Variants in GPC6 observed in about 807,000 individuals in gnomAD.
GPC6 encodes the protein glypican 6.
In GPC6, 14 loss-of-function variants were observed where a neutral mutation model predicts 55.2. That is an observed-to-expected ratio of 0.25 (90% CI 0.17 to 0.40). The LOEUF is 0.40. Among genes scored for constraint, GPC6 ranks in the 10% least tolerant of loss-of-function variants. GPC6 has a pLI of 1.00. For synonymous variants in GPC6, 278 were observed against 259.6 expected (o/e 1.07, Z -0.68); for missense variants, 641 against 708.5 (o/e 0.90, Z 1.08).
chr13:93,236,075 C>A (rs1876223720), intron 1 of GPC6, among the ~76,000 whole-genome samples: 1 of 152,160 alleles, frequency 6.6e-6, no homozygotes, highest in Non-Finnish European at 1.5e-5. Flanking sequence ...TCTCAACAGT[C>A]CCCCAGCAGA....
chr13:94,016,130 A>G (rs2138705486), intron 3 of GPC6, among the ~76,000 whole-genome samples: 1 of 152,318 alleles, frequency 6.6e-6, no homozygotes, highest in African/African-American at 2.4e-5. Flanking sequence ...AAGTAGAATC[A>G]TGCGGTATCT....
intron 1 of GPC6, among the ~76,000 whole-genome samples, chr13:93,523,711 A>T (rs1254116628): frequency 6.6e-6 from 1 of 151,970 alleles, no homozygotes; most frequent in Non-Finnish European, 1.5e-5. Context: ...AAAAGTCTTG[A>T]TGTTGCTTTG....
At chr13:94,096,266 A>T (rs1382314554) in intron 4 of GPC6, among the ~76,000 whole-genome samples, 1 of 151,804 alleles carries the variant, frequency 6.6e-6, no homozygotes, top group Non-Finnish European at 1.5e-5. Flanking sequence ...CAGAGAAGGG[A>T]CTACATTACT....
chr13:93,624,832 A>C (rs907173507), intron 2 of GPC6, among the ~76,000 whole-genome samples: 1 of 152,260 alleles, frequency 6.6e-6, no homozygotes, highest in South Asian at 2.1e-4. Context: ...ATAAGAGAAG[A>C]TAAACCTATT....
intron 1 of GPC6, among the ~76,000 whole-genome samples, chr13:93,296,189 G>A (rs1436846432): frequency 3.3e-5 from 5 of 152,166 alleles, no homozygotes; most frequent in African/African-American, 1.2e-4. Context: ...CAAATTAGGA[G>A]CCTGAGAGTC....
rs1881320206 is a variant in GPC6 at position 94,405,186 on chromosome 13, T to C, written c.*1969T>C. The C allele has an allele frequency of 6.6e-6, 1 of 152,246 alleles. No individual in the cohort carries two copies. The highest frequency in any genetic ancestry group is 1.9e-4 in the East Asian group (1 of 5,198). The allele number at this position is 152,246 out of a possible 1,614,324, so 9.4% of individuals were successfully genotyped here. The stretch of plus-strand genomic sequence containing the variant: ...GCATCTATTGCTACTTTATGCCTAA[T>C]GAAATATAAAATGTAGGATGATGAG... On this transcript the variant is annotated 3_prime_UTR_variant, in exon 9 of 9. Coordinates refer to ENST00000377047, the MANE Select transcript of GPC6 (RefSeq NM_005708.5).
chr13:93,698,510 T>A (rs980198985), intron 2 of GPC6, among the ~76,000 whole-genome samples: 1 of 127,410 alleles, frequency 7.8e-6, no homozygotes, highest in African/African-American at 2.8e-5. Flanking sequence ...TTTTTTTTTT[T>A]ACTGTCAGGT....
At chr13:93,815,540 T>A (rs1886820671) in intron 2 of GPC6, among the ~76,000 whole-genome samples, 2 of 152,148 alleles carry the variant, frequency 1.3e-5, no homozygotes, top group Non-Finnish European at 1.5e-5. Context: ...AAGATGATTG[T>A]TTTTTGTTTC....
chr13:93,350,716 T>C (rs1175115585), intron 1 of GPC6, among the ~76,000 whole-genome samples: 1 of 152,172 alleles, frequency 6.6e-6, no homozygotes, highest in Admixed American at 6.5e-5. Flanking sequence ...CCAGAGAATC[T>C]TAAGTAGATC....
chr13:94,367,513 A>G (rs1879336035), intron 6 of GPC6, among the ~76,000 whole-genome samples: 1 of 152,258 alleles, frequency 6.6e-6, no homozygotes, highest in Admixed American at 6.5e-5. Flanking sequence ...ATCTGCTGCA[A>G]AAATCTAACC....
At chr13:93,565,939 A>G (rs1019036378) in intron 2 of GPC6, among the ~76,000 whole-genome samples, 1 of 143,578 alleles carries the variant, frequency 7.0e-6, no homozygotes, top group African/African-American at 2.4e-5. Flanking sequence ...ACAAACAAAA[A>G]AAAAAAAGAA....
chr13:94,136,720 AAAG>A (rs1053013746), intron 4 of GPC6, among the ~76,000 whole-genome samples: 13 of 152,308 alleles, frequency 8.5e-5, no homozygotes, highest in Non-Finnish European at 1.5e-4. Flanking sequence ...AAAAAAAGAA[AAAG>A]AAGAAGTTTG....
intron 2 of GPC6, among the ~76,000 whole-genome samples, chr13:93,718,960 T>C (rs1594398187): frequency 6.6e-6 from 1 of 151,780 alleles, no homozygotes. Context: ...TTTGGTACCA[T>C]TACCAAGCTG....
At chr13:93,460,734 G>A (rs1251445061) in intron 1 of GPC6, among the ~76,000 whole-genome samples, 2 of 152,064 alleles carry the variant, frequency 1.3e-5, no homozygotes, top group Non-Finnish European at 2.9e-5. Context: ...TATTGCATTA[G>A]TGGTTTTCTA....
intron 2 of GPC6, among the ~76,000 whole-genome samples, chr13:93,633,873 C>T (rs1284768518): frequency 6.6e-6 from 1 of 152,028 alleles, no homozygotes; most frequent in African/African-American, 2.4e-5. Context: ...AATTGCATCC[C>T]AGGAAGTCTC....
chr13:93,842,974 A>G (rs1479154476), intron 3 of GPC6, among the ~76,000 whole-genome samples: 1 of 152,040 alleles, frequency 6.6e-6, no homozygotes, highest in Admixed American at 6.6e-5. Context: ...TTTCTAGTAT[A>G]TCTCTAATAT....
chr13:94,224,222 C>T (rs1354815151), intron 4 of GPC6, among the ~76,000 whole-genome samples: 2 of 146,816 alleles, frequency 1.4e-5, no homozygotes, highest in Non-Finnish European at 3.0e-5. Context: ...ATGAATTATA[C>T]AGACAGAGTC....
At chr13:93,243,235 G>A (rs1157908674) in intron 1 of GPC6, among the ~76,000 whole-genome samples, 1 of 152,192 alleles carries the variant, frequency 6.6e-6, no homozygotes, top group Non-Finnish European at 1.5e-5. Flanking sequence ...ATCTCTGCAA[G>A]CTTCTTGATT....
In GPC6 at chr13:94,272,679, A is replaced by G. The variant is rs568954367; in HGVS notation, c.878-13670A>G. ...GAGACAGGGTTTCACCGTGTTAGCC[A>G]GGATGGTCTCAATTTCCTGACCTCA... On this transcript the variant is annotated intron_variant, in intron 4 of 8. Coordinates refer to ENST00000377047, the MANE Select transcript of GPC6 (RefSeq NM_005708.5). Among the ~76,000 whole-genome samples the G allele has an allele frequency of 4.5e-3, 688 of 151,996 alleles. 4 individuals carry two copies. The highest frequency in any genetic ancestry group is 7.2e-3 in the Non-Finnish European group (487 of 67,956).
Sources: gnomAD v4.1 joint callset for allele counts (sites outside exome capture counted in the v4.1 genomes callset) on GRCh38, gnomAD v4.1.1 for gene constraint, MANE v1.5 for transcripts, NCBI Gene and HGNC (gene_info 2026-07-23, HGNC 2026-07-21) for gene names.